CDH18: variants seen among roughly 807,000 people sequenced by gnomAD.
CDH18 encodes cadherin 18, also known as cadherin-18.
A neutral mutation model predicts 67.9 loss-of-function variants in CDH18; 31 were observed. The ratio of observed to expected loss-of-function variants is 0.46; its 90% CI spans 0.34 to 0.62. The LOEUF (loss-of-function observed/expected upper bound fraction) is 0.62, where lower values mean the gene tolerates loss of function less well. Ranked by LOEUF, CDH18 falls within the 20% of genes least tolerant of loss-of-function variation. The probability of loss-of-function intolerance (pLI) is 0.01; values close to 1 mark genes in which losing one functional copy is unlikely to be tolerated. For missense variants in CDH18, 890 were observed against 975.5 expected, an observed-to-expected ratio of 0.91 and a Z score of 1.17; for synonymous variants, 362 against 347.2, an observed-to-expected ratio of 1.04 and a Z score of -0.48.
chr5:19,828,327 A>G (rs1780634537), intron 3 of CDH18, among the ~76,000 whole-genome samples: 1 of 152,074 alleles, frequency 6.6e-6, no homozygotes, highest in South Asian at 2.1e-4. Flanking sequence ...AAACTATTTC[A>G]AAAAATTGAG....
In CDH18 at chr5:20,019,444, G is replaced by A. The variant is rs1463143233; in HGVS notation, c.-517-27430C>T. The stretch of plus-strand genomic sequence containing the variant: ...AAATTGTAACCCCCCAATGTTGGAG[G>A]AAGGGCCTTGTGGGAGGTGATTGGA... On this transcript the variant is annotated intron_variant, in intron 2 of 14. Coordinates refer to the CDH18 transcript ENST00000507958. Among the ~76,000 whole-genome samples, 12 of 152,050 alleles carry A rather than the reference G, an allele frequency of 7.9e-5. No homozygotes were observed. The South Asian group carries it at 1.9e-3, about 24-fold the overall frequency.
chr5:20,487,758 C>CATAT (rs35706215), intron 1 of CDH18, among the ~76,000 whole-genome samples: 1 of 150,188 alleles, frequency 6.7e-6, no homozygotes, highest in African/African-American at 2.4e-5. Context: ...AAATAGCATG[C>CATAT]ATATATATAT....
intron 1 of CDH18, among the ~76,000 whole-genome samples, chr5:20,457,305 A>C (rs988788212): frequency 1.3e-5 from 2 of 152,218 alleles, no homozygotes; most frequent in African/African-American, 4.8e-5. Flanking sequence ...AAAATTGCTG[A>C]TGTTCAACCT....
At chr5:20,404,048 G>A (rs1024937809) in intron 1 of CDH18, among the ~76,000 whole-genome samples, 2 of 152,042 alleles carry the variant, frequency 1.3e-5, no homozygotes, top group Admixed American at 6.6e-5. Flanking sequence ...TTATGGAGAC[G>A]GCTTCTTTCC....
Position 20,486,715 on chromosome 5 carries a change from GTGTA to G in CDH18, c.-580+88743_-580+88746del, listed in dbSNP as rs1437213338. On this transcript the variant is annotated intron_variant, in intron 1 of 14. Transcript: ENST00000507958. Reference sequence around the variant, plus strand: ...TATATATATACATATATGTGTGTGTGTGTATGTGTGTGTGTGTTGTGTGTACTCC... The same window carrying G: ...TATATATATACATATATGTGTGTGTGTGTGTGTGTGTGTTGTGTGTACTCC... Among the ~76,000 whole-genome samples the G allele has an allele frequency of 2.1e-3, 293 of 139,728 alleles. 1 individual carries two copies. The highest frequency in any genetic ancestry group is 6.8e-3 in the African/African-American group (275 of 40,386). 91.7% of individuals were successfully genotyped at this position (139,728 alleles called of 152,430 possible). A position where few individuals can be genotyped will look rare whatever the true frequency, so the allele number is the denominator to read the frequency against.
At chr5:19,840,009 G>A (rs190046213) in intron 2 of CDH18, among the ~76,000 whole-genome samples, 26 of 151,266 alleles carry the variant, frequency 1.7e-4, no homozygotes, top group Non-Finnish European at 3.4e-4. Flanking sequence ...CTGTAATCCC[G>A]GCACTTTGGG....
intron 2 of CDH18, among the ~76,000 whole-genome samples, chr5:20,022,081 A>G (rs1001544064): frequency 2.0e-5 from 3 of 152,140 alleles, no homozygotes; most frequent in African/African-American, 7.2e-5. Context: ...GTCTATTGTT[A>G]TTTTCTTATT....
chr5:20,197,767 A>T (rs1250805522), intron 2 of CDH18, among the ~76,000 whole-genome samples: 1 of 152,204 alleles, frequency 6.6e-6, no homozygotes, highest in Non-Finnish European at 1.5e-5. Flanking sequence ...AATAACATGT[A>T]CCATTAGAAA....
Position 19,953,459 on chromosome 5 carries a change from T to C in CDH18, c.-257+27601A>G, listed in dbSNP as rs574706727. ...AATCCTTAGAATTTCTGTTTGTTTA[T>C]TATACTGATATATTTTTATTATTAT... On this transcript the variant is annotated intron_variant, in intron 2 of 12. Transcript: ENST00000382275. Among the ~76,000 whole-genome samples, 20 of 152,138 alleles carry C rather than the reference T, an allele frequency of 1.3e-4. No homozygotes were observed. In the South Asian group the frequency reaches 4.1e-3, roughly 32 times the overall value.
At chr5:19,702,913 C>T (rs1257650671) in intron 5 of CDH18, among the ~76,000 whole-genome samples, 1 of 152,208 alleles carries the variant, frequency 6.6e-6, no homozygotes, top group Admixed American at 6.5e-5. Context: ...CAAACAATAG[C>T]ATGAGCGATC....
chr5:20,325,014 T>C (rs1440799609), intron 1 of CDH18, among the ~76,000 whole-genome samples: 2 of 152,196 alleles, frequency 1.3e-5, no homozygotes, highest in African/African-American at 4.8e-5. Flanking sequence ...AAAATTACTT[T>C]CTCTGAGCCC....
At chr5:19,805,489 A>T (rs1190873261) in intron 3 of CDH18, among the ~76,000 whole-genome samples, 1 of 152,050 alleles carries the variant, frequency 6.6e-6, no homozygotes. Context: ...CTCTTTCTCC[A>T]TGGCTTCAAT....
Position 20,288,411 on chromosome 5 carries a change from A to G in CDH18, c.-579-32906T>C, listed in dbSNP as rs1175293555. 2.0e-5 allele frequency among the ~76,000 whole-genome samples: 3 copies of G among 150,946 alleles called. No homozygotes were observed. In the East Asian group the frequency reaches 5.8e-4, roughly 29 times the overall value. ...ATGTGACCAGTGATGCAAAAAAGTG[A>G]TGTATTTAGTTTCTAGTGGCTTCAA... On this transcript the variant is annotated intron_variant, in intron 1 of 14. Transcript: ENST00000507958.
intron 1 of CDH18, among the ~76,000 whole-genome samples, chr5:20,470,557 G>A (rs1751977234): frequency 6.6e-6 from 1 of 152,020 alleles, no homozygotes; most frequent in Non-Finnish European, 1.5e-5. Context: ...AATTTGCTGA[G>A]AAATAAAGCC....
At chr5:20,277,483 G>C (rs758639156) in intron 1 of CDH18, among the ~76,000 whole-genome samples, 6 of 152,094 alleles carry the variant, frequency 3.9e-5, no homozygotes, top group Non-Finnish European at 7.4e-5. Context: ...TGGCTGAAGT[G>C]ACCAGAAACT....
chr5:20,120,558 G>C (rs1580287478), intron 2 of CDH18, among the ~76,000 whole-genome samples: 1 of 152,078 alleles, frequency 6.6e-6, no homozygotes, highest in African/African-American at 2.4e-5. Flanking sequence ...AATAGAGAAA[G>C]GGAGTCTGTA....
chr5:20,292,217 C>T (rs965584942), intron 1 of CDH18, among the ~76,000 whole-genome samples: 32 of 152,022 alleles, frequency 2.1e-4, no homozygotes, highest in African/African-American at 7.0e-4. Context: ...GCTGTAAGAC[C>T]GGGACATGAC....
At chr5:19,923,319 G>C (rs1461106561) in intron 2 of CDH18, among the ~76,000 whole-genome samples, 1 of 152,076 alleles carries the variant, frequency 6.6e-6, no homozygotes, top group African/African-American at 2.4e-5. Flanking sequence ...CAGAAAACAT[G>C]AAACAGAGAC....
chr5:19,934,074 T>C (rs1039732985), intron 2 of CDH18, among the ~76,000 whole-genome samples: 2 of 151,318 alleles, frequency 1.3e-5, no homozygotes, highest in African/African-American at 4.8e-5. Flanking sequence ...GCCAGGATTA[T>C]TTTCCCCACT....
Sources: allele counts gnomAD v4.1 joint callset (sites outside exome capture counted in the v4.1 genomes callset), GRCh38; gene constraint gnomAD v4.1.1; transcripts MANE v1.5; gene names NCBI Gene and HGNC (gene_info 2026-07-23, HGNC 2026-07-21).